The following CFAP36 variants were observed in gnomAD, a reference collection of about 807,000 sequenced individuals.
The protein encoded by CFAP36 is cilia and flagella associated protein 36.
A neutral mutation model predicts 50.5 loss-of-function variants in CFAP36; 37 were observed. The observed-to-expected ratio is 0.73, with a 90% CI of 0.56 to 0.96. The LOEUF (loss-of-function observed/expected upper bound fraction) is 0.96, where lower values mean the gene tolerates loss of function less well. Among genes scored for constraint, CFAP36 ranks in the 50% least tolerant of loss-of-function variants. The pLI is 0.00. For synonymous variants in CFAP36, 138 were observed against 128.2 expected (o/e 1.08, Z -0.52); for missense variants, 407 against 396.2 (o/e 1.03, Z -0.23).
rs775943898 is a variant in CFAP36, at chr2:55,543,976, T to G, written c.679T>G (p.Leu227Val). Residue 227 changes from leucine to valine, a missense_variant, in exon 8 of 10, where the codon TTG becomes GTG. Leu to Val is a conservative substitution (Grantham distance 32, BLOSUM62 1). Transcript: ENST00000349456. ...MHFANQSIEP[L>V]GRKVERSETS... ...TTTTGCTAATCAGTCAATAGAACCTTTGGGAAGAAAAGTGGAAAGGTCTGA... is the reference window on the plus strand; with the variant it reads ...TTTTGCTAATCAGTCAATAGAACCTGTGGGAAGAAAAGTGGAAAGGTCTGA... 1.9e-6 allele frequency: 3 copies of G among 1,613,902 alleles called. No homozygotes were observed. The South Asian group carries it at 3.3e-5, about 18-fold the overall frequency.
chr2:55,526,593 C>A (rs749343843), intron 3 of CFAP36, among the ~76,000 whole-genome samples: 2 of 152,170 alleles, frequency 1.3e-5, no homozygotes, highest in African/African-American at 2.4e-5. Context: ...AGGTGTGCAC[C>A]ATTATGCCTG....
chr2:55,535,808 C>T (rs549225092), intron 6 of CFAP36, 45 bp downstream of exon 6: 2 of 1,530,784 alleles, frequency 1.3e-6, no homozygotes, highest in South Asian at 1.3e-5. Flanking sequence ...GCTGTTATCT[C>T]TTATTAAGTT....
chr2:55,541,033 T>TA (rs1275328720), intron 7 of CFAP36, among the ~76,000 whole-genome samples: 1 of 149,348 alleles, frequency 6.7e-6, no homozygotes, highest in Admixed American at 6.7e-5. Flanking sequence ...AATAAAAAAA[T>TA]AAAAAAAAGG....
intron 1 of CFAP36, among the ~76,000 whole-genome samples, chr2:55,520,166 T>G (rs1049624433): frequency 6.6e-6 from 1 of 152,178 alleles, no homozygotes; most frequent in African/African-American, 2.4e-5. Flanking sequence ...GAGACTCCCC[T>G]TCTCTGGGGC....
rs372171121 is a variant in CFAP36 at position 55,535,341 on chromosome 2, G to T, written c.486-371G>T. ...ACATTTTATCAAGAGGGGTATAATG[G>T]CTCTTATCAAGAGGGGTGTAATTGA... On this transcript the variant is annotated intron_variant, in intron 5 of 9. Transcript: ENST00000349456. 2.6e-5 allele frequency among the ~76,000 whole-genome samples: 4 copies of T among 152,292 alleles called. No homozygotes were observed. In the East Asian group the frequency reaches 7.7e-4, roughly 29 times the overall value.
rs753429662 is a variant in CFAP36, at chr2:55,523,721, G to A, written c.181G>A (p.Val61Ile). The change falls in exon 3 of 10, where the codon GTT (valine) becomes ATT (isoleucine). Residue 61 changes from valine (V) to isoleucine (I), a missense_variant and splice_region_variant. By Grantham distance (29) the Val-to-Ile change is conservative (BLOSUM62 3). Coordinates refer to ENST00000349456, the MANE Select transcript of CFAP36 (RefSeq NM_080667.7). The stretch of plus-strand genomic sequence containing the variant: ...TAAAAGTTAAACTTTGTTTTTTTAG[G>A]TTGAAAAGCTGTTAGAAGGTTACCT... Reference protein sequence around the residue: ...TEIHQEYKELVEKLLEGYLKE... With the variant: ...TEIHQEYKELIEKLLEGYLKE... The A allele has an allele frequency of 1.3e-6, 2 of 1,580,022 alleles. No individual in the cohort carries two copies. The highest frequency in any genetic ancestry group is 1.4e-5 in the African/African-American group (1 of 73,912).
rs1259560297 is a variant in CFAP36 at position 55,519,919 on chromosome 2, A to G, written c.115+3A>G. 2.5e-6 allele frequency: 4 copies of G among 1,613,606 alleles called. No individual in the cohort carries two copies. The highest frequency in any genetic ancestry group is 2.5e-6 in the Non-Finnish European group (3 of 1,179,594). ...CTTTGTGGAACAGAAATGTGAAGGT[A>G]AAAACCAGAGCCCGAACCGACAATC... On this transcript the variant is annotated splice_donor_region_variant and intron_variant, in intron 1 of 9. Transcript: ENST00000349456.
chr2:55,536,512 G>A (rs577971658), intron 6 of CFAP36, among the ~76,000 whole-genome samples: 7 of 151,912 alleles, frequency 4.6e-5, no homozygotes, highest in African/African-American at 7.2e-5. Context: ...GTGCAGTGGC[G>A]CAATCTCGGC....
chr2:55,535,801 G>T, intron 6 of CFAP36, 38 bp downstream of exon 6: 1 of 1,533,438 alleles, frequency 6.5e-7, no homozygotes, highest in African/African-American at 1.4e-5. Flanking sequence ...TTTTATTGCT[G>T]TTATCTCTTA....
At position 55,538,750 on chromosome 2, in the gene CFAP36, T is replaced by C. The variant is rs572112336; in HGVS notation, c.640+1165T>C. On this transcript the variant is annotated intron_variant, in intron 7 of 9. Transcript: ENST00000349456. ...GAGCCACTGTACCCATCCCTTCTTT[T>C]TTTTTTTTTTAAAGAAATTCAAGGA... 1.3e-4 allele frequency: 203 copies of C among 1,543,504 alleles called. No homozygotes were observed. The African/African-American group carries it at 1.9e-3, about 14-fold the overall frequency.
Position 55,519,926 on chromosome 2 carries a change from A to G in CFAP36, c.115+10A>G, listed in dbSNP as rs1195667537. 3 of 1,612,888 alleles carry G rather than the reference A, an allele frequency of 1.9e-6. No homozygotes were observed. The highest frequency in any genetic ancestry group is 2.2e-5 in the East Asian group (1 of 44,888). Reference sequence around the variant, plus strand: ...GAACAGAAATGTGAAGGTAAAAACCAGAGCCCGAACCGACAATCCTTTTCT... The same window carrying G: ...GAACAGAAATGTGAAGGTAAAAACCGGAGCCCGAACCGACAATCCTTTTCT... On this transcript the variant is annotated intron_variant, in intron 1 of 9. Coordinates refer to ENST00000349456, the MANE Select transcript of CFAP36 (RefSeq NM_080667.7).
At chr2:55,540,402 A>G (rs1307510375) in intron 7 of CFAP36, among the ~76,000 whole-genome samples, 1 of 152,072 alleles carries the variant, frequency 6.6e-6, no homozygotes, top group Non-Finnish European at 1.5e-5. Context: ...TCAAAGATAA[A>G]TTGATTATAT....
chr2:55,522,516 G>A (rs1684098139), intron 2 of CFAP36, among the ~76,000 whole-genome samples: 1 of 152,066 alleles, frequency 6.6e-6, no homozygotes, highest in Non-Finnish European at 1.5e-5. Context: ...ACAGGGTCTT[G>A]CTCTGTCACC....
chr2:55,520,848 G>C (rs894645743), intron 1 of CFAP36, among the ~76,000 whole-genome samples: 2 of 152,194 alleles, frequency 1.3e-5, no homozygotes, highest in Non-Finnish European at 2.9e-5. Context: ...ACAAATTTCA[G>C]TGAAGGAAGT....
intron 3 of CFAP36, among the ~76,000 whole-genome samples, chr2:55,527,547 A>T (rs1374890331): frequency 6.6e-6 from 1 of 152,048 alleles, no homozygotes; most frequent in East Asian, 1.9e-4. Context: ...GCGCCACTGC[A>T]CTCCAGCCTG....
intron 7 of CFAP36, chr2:55,538,746 CTTTTT>C: frequency 8.0e-7 from 1 of 1,253,246 alleles, no homozygotes; most frequent in Non-Finnish European, 1.1e-6. Flanking sequence ...CCCATCCCTT[CTTTTT>C]TTTTTTTTTA....
chr2:55,528,895 G>A lies in CFAP36; in HGVS notation c.300G>A (p.Val100=), dbSNP rs375902654. The change falls in exon 4 of 10, where the codon GTG becomes GTA. Residue 100 remains valine (V), a synonymous_variant. Transcript: ENST00000349456. The stretch of plus-strand genomic sequence containing the variant: ...TTCCACAGGCCATTTTGCAACCTGT[G>A]TTGGCAGCAGAAGATTTTACTATCT... ...THTSQAILQP[V]LAAEDFTIFK... The A allele has an allele frequency of 7.8e-5, 125 of 1,607,062 alleles. No individual in the cohort carries two copies. The highest frequency in any genetic ancestry group is 3.3e-4 in the Middle Eastern group (2 of 6,060).
intron 3 of CFAP36, among the ~76,000 whole-genome samples, 153 bp from the exon 4 acceptor site, chr2:55,528,725 A>T (rs1480738797): frequency 6.6e-6 from 1 of 152,130 alleles, no homozygotes; most frequent in Non-Finnish European, 1.5e-5. Flanking sequence ...CTATTAAGAT[A>T]AATTTTAAAA....
chr2:55,521,235 G>A (rs574174742), intron 1 of CFAP36, among the ~76,000 whole-genome samples: 1 of 141,906 alleles, frequency 7.0e-6, no homozygotes, highest in Non-Finnish European at 1.5e-5. Flanking sequence ...ACAGAGTGTC[G>A]CTCTGTTGCC....
Sources: gnomAD v4.1 joint callset for allele counts (sites outside exome capture counted in the v4.1 genomes callset) on GRCh38, gnomAD v4.1.1 for gene constraint, MANE v1.5 for transcripts, NCBI Gene and HGNC (gene_info 2026-07-23, HGNC 2026-07-21) for gene names.